The following SORCS3 variants were observed in gnomAD, a reference collection of about 807,000 sequenced individuals.
The protein encoded by SORCS3 is sortilin related VPS10 domain containing receptor 3.
Under a neutral mutation model 146.3 loss-of-function variants are expected in SORCS3, and 57 were observed. That is an observed-to-expected ratio of 0.39 (90% confidence interval 0.31 to 0.49). SORCS3 has a LOEUF of 0.49. Ranked by LOEUF, SORCS3 falls within the 20% of genes least tolerant of loss-of-function variation. SORCS3 has a pLI of 0.92. For synonymous variants in SORCS3, 653 were observed against 618.5 expected, an observed-to-expected ratio of 1.06 and a Z score of -0.83; for missense variants, 1,341 against 1,575.5, an observed-to-expected ratio of 0.85 and a Z score of 2.52.
chr10:104,969,084 C>T (rs2054843383), intron 3 of SORCS3, among the ~76,000 whole-genome samples: 1 of 152,136 alleles, frequency 6.6e-6, no homozygotes, highest in Non-Finnish European at 1.5e-5. Flanking sequence ...ATATACAATA[C>T]ACGTATTTTA....
rs543321545 is a variant in SORCS3, at chr10:104,811,943, C to T, written c.628-30849C>T. On this transcript the variant is annotated intron_variant, in intron 1 of 26. Transcript: ENST00000369701. ...CTGAAAGCCCTGCTTGACTATTATGCAATCTATGCATCTAATGAAATTATA... is the reference window on the plus strand; with the variant it reads ...CTGAAAGCCCTGCTTGACTATTATGTAATCTATGCATCTAATGAAATTATA... 3.3e-5 allele frequency among the ~76,000 whole-genome samples: 5 copies of T among 152,194 alleles called. No individual in the cohort carries two copies. The South Asian group carries it at 1.0e-3, about 32-fold the overall frequency.
chr10:104,923,939 G>A (rs1319616689), intron 3 of SORCS3, among the ~76,000 whole-genome samples: 1 of 152,162 alleles, frequency 6.6e-6, no homozygotes, highest in African/African-American at 2.4e-5. Flanking sequence ...TTTGCTATGT[G>A]CTGAAAATTA....
At chr10:105,053,066 A>G (rs1195465322) in intron 5 of SORCS3, among the ~76,000 whole-genome samples, 1 of 152,004 alleles carries the variant, frequency 6.6e-6, no homozygotes, top group African/African-American at 2.4e-5. Flanking sequence ...GCAGAGGGCC[A>G]CCTTCTGGAT....
chr10:105,005,634 T>C (rs1389581044), intron 4 of SORCS3, among the ~76,000 whole-genome samples: 3 of 152,186 alleles, frequency 2.0e-5, no homozygotes, highest in Non-Finnish European at 4.4e-5. Context: ...TCCAGAAGAC[T>C]TTCATGGTTC....
intron 1 of SORCS3, among the ~76,000 whole-genome samples, chr10:104,838,842 C>T (rs1018574963): frequency 1.3e-5 from 2 of 151,878 alleles, no homozygotes; most frequent in African/African-American, 4.8e-5. Flanking sequence ...TCGAGTCAGA[C>T]TTACTGGGGG....
intron 20 of SORCS3, among the ~76,000 whole-genome samples, chr10:105,243,036 C>CATATATTTAT (rs1374262818): frequency 2.3e-5 from 3 of 129,394 alleles, no homozygotes; most frequent in South Asian, 2.3e-4. Flanking sequence ...TATATATTTA[C>CATATATTTAT]ATATATTTAT....
chr10:105,214,685 T>G, intron 18 of SORCS3, 72 bp downstream of exon 18: 9 of 1,393,202 alleles, frequency 6.5e-6, no homozygotes, highest in Non-Finnish European at 8.7e-6. Context: ...GAAGAAGATC[T>G]TACATTCCCA....
intron 7 of SORCS3, among the ~76,000 whole-genome samples, chr10:105,117,948 CT>C (rs2055904746): frequency 6.6e-6 from 1 of 152,186 alleles, no homozygotes; most frequent in South Asian, 2.1e-4. Context: ...CCCCTCTCAT[CT>C]CTCCATCTTT....
chr10:104,794,042 A>T (rs1564685329), intron 1 of SORCS3, among the ~76,000 whole-genome samples: 1 of 152,142 alleles, frequency 6.6e-6, no homozygotes, highest in Non-Finnish European at 1.5e-5. Context: ...GAGAATAGGG[A>T]CTGGCCTTTC....
chr10:104,724,492 C>T (rs918639514), intron 1 of SORCS3, among the ~76,000 whole-genome samples: 3 of 152,000 alleles, frequency 2.0e-5, no homozygotes, highest in East Asian at 1.9e-4. Context: ...TTGTGGCGTT[C>T]TCTGTATTTC....
chr10:105,175,518 G>A (rs540636223), intron 13 of SORCS3, among the ~76,000 whole-genome samples: 2 of 152,200 alleles, frequency 1.3e-5, no homozygotes, highest in South Asian at 4.2e-4. Context: ...CGGACTTATT[G>A]GCCAGAGTTG....
intron 4 of SORCS3, among the ~76,000 whole-genome samples, chr10:104,990,108 C>A (rs1028433051): frequency 6.6e-6 from 1 of 152,168 alleles, no homozygotes; most frequent in African/African-American, 2.4e-5. Context: ...GGCTACTCTA[C>A]CCCTCTGTGC....
chr10:104,748,357 C>A (rs769241732), intron 1 of SORCS3, among the ~76,000 whole-genome samples: 1 of 152,180 alleles, frequency 6.6e-6, no homozygotes, highest in Non-Finnish European at 1.5e-5. Context: ...CCGATAAAAT[C>A]AGTATTATTG....
intron 3 of SORCS3, among the ~76,000 whole-genome samples, chr10:104,933,239 T>G (rs11192236): frequency 2.0e-5 from 3 of 151,908 alleles, no homozygotes; most frequent in African/African-American, 7.3e-5. Flanking sequence ...CAGTGACATC[T>G]TGGAAGACAA....
At chr10:104,904,955 AC>A (rs1347204965) in intron 2 of SORCS3, among the ~76,000 whole-genome samples, 2 of 152,080 alleles carry the variant, frequency 1.3e-5, no homozygotes, top group Non-Finnish European at 2.9e-5. Flanking sequence ...CTTGAAAGGG[AC>A]ACTTCTCTAA....
At chr10:105,040,653 G>C (rs1388395120) in intron 4 of SORCS3, among the ~76,000 whole-genome samples, 1 of 152,084 alleles carries the variant, frequency 6.6e-6, no homozygotes, top group Non-Finnish European at 1.5e-5. Context: ...CAATTGAATG[G>C]GTTTTGTGTA....
intron 16 of SORCS3, among the ~76,000 whole-genome samples, chr10:105,202,958 G>T (rs1390613671): frequency 6.6e-6 from 1 of 152,174 alleles, no homozygotes; most frequent in Admixed American, 6.6e-5. Context: ...AGCTGCATTT[G>T]GGCTTCTCTG....
intron 14 of SORCS3, among the ~76,000 whole-genome samples, chr10:105,183,365 T>C (rs959705004): frequency 1.1e-5 from 1 of 91,036 alleles, no homozygotes; most frequent in African/African-American, 4.1e-5. Context: ...CTGCAGAGGT[T>C]TTTTTTTCTT....
Position 104,751,961 on chromosome 10 carries a change from ATATAT to A in SORCS3, c.628-90830_628-90826del, listed in dbSNP as rs1564675443. On this transcript the variant is annotated intron_variant, in intron 1 of 26. Transcript: ENST00000369701. ...TATATATATATATATATATATATATATATATATAATAGTTTAGCAGCAGGAATGAG... is the reference window on the plus strand; with the variant it reads ...TATATATATATATATATATATATATAATAATAGTTTAGCAGCAGGAATGAG... Among the ~76,000 whole-genome samples, 771 of 107,094 alleles carry A rather than the reference ATATAT, an allele frequency of 7.2e-3. 16 individuals are homozygous for A. Among genetic ancestry groups the A allele is most frequent in the African/African-American group, 0.024 (579 of 24,338 alleles). The allele number at this position is 107,094 out of a possible 152,430, so 70.3% of individuals were successfully genotyped here.
Sources: gnomAD v4.1 joint callset for allele counts (sites outside exome capture counted in the v4.1 genomes callset) on GRCh38, gnomAD v4.1.1 for gene constraint, MANE v1.5 for transcripts, NCBI Gene and HGNC (gene_info 2026-07-23, HGNC 2026-07-21) for gene names.